The following NPC1 variants were observed in gnomAD, a reference collection of about 807,000 sequenced individuals.
NPC1 encodes NPC intracellular cholesterol transporter 1.
A neutral mutation model predicts 140.4 loss-of-function variants in NPC1; 85 were observed. That is an observed-to-expected ratio of 0.61 (90% CI 0.51 to 0.72). The LOEUF (loss-of-function observed/expected upper bound fraction) is 0.72, where lower values mean the gene tolerates loss of function less well. NPC1 is among the 30% of genes least tolerant of loss of function. The pLI is 0.00. For synonymous variants in NPC1, 656 were observed against 624.8 expected, an observed-to-expected ratio of 1.05 and a Z score of -0.74; for missense variants, 1,504 against 1,623.8, an observed-to-expected ratio of 0.93 and a Z score of 1.27.
chr18:23,585,762 A>G (rs1447035341), intron 1 of NPC1, among the ~76,000 whole-genome samples: 3 of 152,164 alleles, frequency 2.0e-5, no homozygotes, highest in Non-Finnish European at 4.4e-5. Flanking sequence ...TGTAAAAAGG[A>G]GTTGATGAAA....
intron 4 of NPC1, 77 bp downstream of exon 4, chr18:23,568,745 CA>C: frequency 8.5e-7 from 1 of 1,172,554 alleles, no homozygotes; most frequent in Non-Finnish European, 1.3e-6. Flanking sequence ...CCAGAGTTGA[CA>C]GGACAACTAA....
At chr18:23,581,273 G>A (rs759805036) in intron 1 of NPC1, among the ~76,000 whole-genome samples, 4 of 152,216 alleles carry the variant, frequency 2.6e-5, no homozygotes, top group Non-Finnish European at 5.9e-5. Flanking sequence ...ATCTATTACG[G>A]ACTACTGGAA....
At chr18:23,511,614 A>G (rs1393399706) in intron 3 of NPC1, among the ~76,000 whole-genome samples, 3 of 152,104 alleles carry the variant, frequency 2.0e-5, no homozygotes, top group Non-Finnish European at 4.4e-5. Flanking sequence ...CTTCTTTTTA[A>G]CAAAAAGGGG....
intron 3 of NPC1, among the ~76,000 whole-genome samples, chr18:23,515,565 GTCAC>G (rs1196816129): frequency 6.6e-6 from 1 of 152,222 alleles, no homozygotes; most frequent in African/African-American, 2.4e-5. Context: ...ATCTCGCTCT[GTCAC>G]TCACGCTGGA....
At chr18:23,544,591 A>C in intron 12 of NPC1, 65 bp from the exon 13 acceptor site, 1 of 1,448,646 alleles carries the variant, frequency 6.9e-7, no homozygotes, top group South Asian at 1.1e-5. Context: ...TTGTTACTAA[A>C]AGGTCCTCCT....
In NPC1 at chr18:23,586,146, A is replaced by G. The variant is rs915287115; in HGVS notation, c.57+141T>C. 18 of 870,614 alleles carry G rather than the reference A, an allele frequency of 2.1e-5. No homozygotes were observed. In the African/African-American group the frequency reaches 2.6e-4, roughly 13 times the overall value. The allele number at this position is 870,614 out of a possible 1,614,324, so 53.9% of individuals were successfully genotyped here. A position where few individuals can be genotyped will look rare whatever the true frequency, so the allele number is the denominator to read the frequency against. ...CGTGGCCGGAGACAGAAACAGGACA[A>G]GTGAGGAACCTCCGAGCTCTCCATC... On this transcript the variant is annotated intron_variant, in intron 1 of 24. Transcript: ENST00000269228.
intron 3 of NPC1, among the ~76,000 whole-genome samples, chr18:23,515,285 G>A (rs575303879): frequency 2.0e-5 from 3 of 152,294 alleles, no homozygotes; most frequent in African/African-American, 7.2e-5. Context: ...CTTTGTTAAG[G>A]GGCAGGTTCC....
rs2059337130 is a variant in NPC1 at position 23,579,868 on chromosome 18, G to A, written c.58-6294C>T. Among the ~76,000 whole-genome samples the A allele has an allele frequency of 2.9e-5, 4 of 138,516 alleles. No individual in the cohort carries two copies. In the South Asian group the frequency reaches 9.8e-4, roughly 34 times the overall value. The allele number at this position is 138,516 out of a possible 152,430, so 90.9% of individuals were successfully genotyped here. A position where few individuals can be genotyped will look rare whatever the true frequency, so the allele number is the denominator to read the frequency against. Reference sequence around the variant, plus strand: ...CCGCTGCACTCCAGCCTGGGTAACAGAGAGAGACTCCATCTAAAAAAAAAA... The same window carrying A: ...CCGCTGCACTCCAGCCTGGGTAACAAAGAGAGACTCCATCTAAAAAAAAAA... On this transcript the variant is annotated intron_variant, in intron 1 of 24. Transcript: ENST00000269228.
At chr18:23,526,020 G>C (rs2058289611), downstream of NPC1, among the ~76,000 whole-genome samples, 2 of 152,252 alleles carry the variant, frequency 1.3e-5, no homozygotes, top group South Asian at 4.1e-4. Context: ...GTGTTTTCCT[G>C]TACAGCTGCT....
intron 21 of NPC1, 68 bp downstream of exon 21, chr18:23,536,605 C>T: frequency 1.4e-6 from 2 of 1,405,440 alleles, no homozygotes; most frequent in Non-Finnish European, 9.9e-7. Context: ...GCCAAGGGAA[C>T]CCTCCCCACT....
Position 23,560,406 on chromosome 18 carries a change from C to T in NPC1, c.706G>A (p.Ala236Thr), listed in dbSNP as rs780965348. The T allele has an allele frequency of 5.0e-6, 8 of 1,614,122 alleles. No individual in the cohort carries two copies. Among genetic ancestry groups the T allele is most frequent in the East Asian group, 2.2e-5 (1 of 44,902 alleles). Reference protein sequence around the residue: ...GCDESVDEVTAPCSCQDCSIV... With the variant: ...GCDESVDEVTTPCSCQDCSIV... ...GAGCAGTCTTGGCAGCTACATGGTG[C>T]TGTGACCTCATCCACAGACTCGTCA... Residue 236 changes from alanine to threonine, a missense_variant, in exon 6 of 25, where the codon GCA (alanine) becomes ACA (threonine). Ala to Thr is a moderately conservative substitution (Grantham distance 58, BLOSUM62 0). Transcript: ENST00000269228.
In NPC1 at chr18:23,540,501, C is replaced by T. The variant is rs139297968; in HGVS notation, c.2551G>A (p.Ala851Thr). ...IFVGVLSFSI[A>T]VLNKVDIGLD... ...CCAATATCTACTTTGTTCAGGACTG[C>T]GATGCTGAATGACAGAACACCCACA... Residue 851 changes from alanine to threonine, a missense_variant, in exon 17 of 25, where the codon GCA (alanine) becomes ACA (threonine). Ala to Thr is a moderately conservative substitution (Grantham distance 58). Coordinates refer to ENST00000269228, the MANE Select transcript of NPC1 (RefSeq NM_000271.5). 25 of 1,612,628 alleles carry T rather than the reference C, an allele frequency of 1.6e-5. No homozygotes were observed. Among genetic ancestry groups the T allele is most frequent in the African/African-American group, 1.3e-4 (10 of 74,768 alleles).
chr18:23,570,778 C>T (rs1403537606), intron 3 of NPC1, among the ~76,000 whole-genome samples: 1 of 152,182 alleles, frequency 6.6e-6, no homozygotes, highest in Non-Finnish European at 1.5e-5. Context: ...TATTACCAAG[C>T]CCTTTTTCAC....
intron 3 of NPC1, chr18:23,508,002 C>A: frequency 6.2e-7 from 1 of 1,610,830 alleles, no homozygotes; most frequent in South Asian, 1.1e-5. Flanking sequence ...GTAATTTTAT[C>A]CCTGATAATT....
chr18:23,571,209 T>C (rs1490961030), intron 3 of NPC1, among the ~76,000 whole-genome samples: 1 of 142,552 alleles, frequency 7.0e-6, no homozygotes, highest in African/African-American at 2.7e-5. Flanking sequence ...AGTGCTTTCT[T>C]AAAACAAAAC....
intron 2 of NPC1, 148 bp downstream of exon 2, chr18:23,573,304 C>T (rs779868251): frequency 1.3e-4 from 141 of 1,107,804 alleles, no homozygotes; most frequent in Non-Finnish European, 1.7e-4. Flanking sequence ...GCACTGTATG[C>T]CACAGGTTAG....
At chr18:23,522,098 C>T (rs1016444348), downstream of NPC1, among the ~76,000 whole-genome samples, 5 of 152,212 alleles carry the variant, frequency 3.3e-5, no homozygotes, top group Non-Finnish European at 5.9e-5. Context: ...GAAAGTTCAG[C>T]AAGAGCACCA....
Position 23,586,450 on chromosome 18 carries a change from G to GGAGGAGCA in NPC1, c.-115_-108dup, listed in dbSNP as rs1389307096. On this transcript the variant is annotated 5_prime_UTR_variant, in exon 1 of 25. Transcript: ENST00000269228. Reference sequence around the variant, plus strand: ...TTTCAGCACCCCGCGCAGGAGGAGCGGAGGAGCAGGAGCAGGCGCTGACCG... The same window carrying GGAGGAGCA: ...TTTCAGCACCCCGCGCAGGAGGAGCGGAGGAGCAGAGGAGCAGGAGCAGGCGCTGACCG... The GGAGGAGCA allele has an allele frequency of 4.7e-4, 697 of 1,494,694 alleles. 2 individuals are homozygous for GGAGGAGCA. The African/African-American group carries it at 8.7e-3, about 19-fold the overall frequency. 92.6% of individuals were successfully genotyped at this position (1,494,694 alleles called of 1,614,324 possible).
At chr18:23,544,939 C>CACCA in intron 12 of NPC1, 21 bp downstream of exon 12, 1 of 1,325,700 alleles carries the variant, frequency 7.5e-7, no homozygotes, top group Non-Finnish European at 1.1e-6. Flanking sequence ...CTAGAACATA[C>CACCA]ACCACCCCCC....
Sources: allele counts gnomAD v4.1 joint callset (sites outside exome capture counted in the v4.1 genomes callset), GRCh38; gene constraint gnomAD v4.1.1; transcripts MANE v1.5; gene names NCBI Gene and HGNC (gene_info 2026-07-23, HGNC 2026-07-21).